Variants in KCNK2 observed in about 807,000 individuals in gnomAD.
The protein encoded by KCNK2 is potassium two pore domain channel subfamily K member 2.
A neutral mutation model predicts 40.5 loss-of-function variants in KCNK2; 21 were observed. The ratio of observed to expected loss-of-function variants is 0.52; its 90% CI spans 0.37 to 0.75. The LOEUF (loss-of-function observed/expected upper bound fraction) is 0.75. Among genes scored for constraint, KCNK2 ranks in the 30% least tolerant of loss-of-function variants. KCNK2 has a pLI of 0.00. For synonymous variants in KCNK2, 191 were observed against 202.2 expected (o/e 0.94, Z 0.47); for missense variants, 399 against 531.6 (o/e 0.75, Z 2.45).
Position 215,178,872 on chromosome 1 carries a change from G to T in KCNK2, c.823+6689G>T, listed in dbSNP as rs149164110. ...GATGCTTGCTTCATAGAATGAGTTA[G>T]GGAGGAGTCCCTCCTCTTCAATTTT... On this transcript the variant is annotated intron_variant, in intron 5 of 6. Coordinates refer to ENST00000444842, the MANE Select transcript of KCNK2 (RefSeq NM_001017425.3). 8.6e-4 allele frequency among the ~76,000 whole-genome samples: 131 copies of T among 152,210 alleles called. 1 individual carries two copies. Among genetic ancestry groups the T allele is most frequent in the African/African-American group, 3.0e-3 (126 of 41,554 alleles).
intron 3 of KCNK2, among the ~76,000 whole-genome samples, chr1:215,125,739 A>AAT (rs66622204): frequency 0.014 from 1,749 of 123,296 alleles, 18 homozygotes; most frequent in South Asian, 0.036. Flanking sequence ...AAGTATAATA[A>AAT]ATATATATAT....
At chr1:215,018,394 T>C (rs1294501537) in intron 1 of KCNK2, among the ~76,000 whole-genome samples, 4 of 152,188 alleles carry the variant, frequency 2.6e-5, no homozygotes, top group Non-Finnish European at 5.9e-5. Context: ...TAGGGTCTTG[T>C]GATTGGTTCC....
At chr1:215,115,225 T>C (rs533559158) in intron 2 of KCNK2, among the ~76,000 whole-genome samples, 1 of 152,194 alleles carries the variant, frequency 6.6e-6, no homozygotes, top group Non-Finnish European at 1.5e-5. Flanking sequence ...TTTATATAGG[T>C]ACAAAACACT....
chr1:215,164,302 T>C (rs888948741), intron 3 of KCNK2, among the ~76,000 whole-genome samples: 1 of 152,210 alleles, frequency 6.6e-6, no homozygotes, highest in African/African-American at 2.4e-5. Flanking sequence ...TATTTGATTC[T>C]TCTCTCTTTT....
chr1:215,070,285 G>A (rs994941943), intron 1 of KCNK2, among the ~76,000 whole-genome samples: 7 of 151,686 alleles, frequency 4.6e-5, no homozygotes, highest in East Asian at 2.0e-4. Flanking sequence ...ATGTGGTGGC[G>A]GGCACCTGTA....
intron 6 of KCNK2, among the ~76,000 whole-genome samples, chr1:215,209,384 T>TATATATTATATATAAA (rs1558139930): frequency 3.6e-4 from 7 of 19,350 alleles, no homozygotes; most frequent in Admixed American, 1.2e-3. Flanking sequence ...ATATATAAAA[T>TATATATTATATATAAA]ATATATATTA....
chr1:215,131,760 T>A (rs1195653956), intron 3 of KCNK2, among the ~76,000 whole-genome samples: 1 of 152,094 alleles, frequency 6.6e-6, no homozygotes, highest in Admixed American at 6.5e-5. Context: ...TAATTTTTCC[T>A]TAGAGCAACA....
Position 215,054,533 on chromosome 1 carries a change from G to A in KCNK2, c.35-31835G>A, listed in dbSNP as rs150053913. 6.3e-3 allele frequency among the ~76,000 whole-genome samples: 952 copies of A among 152,246 alleles called. 2 individuals carry two copies. The highest frequency in any genetic ancestry group is 9.6e-3 in the Non-Finnish European group (654 of 68,004). ...GCATGTTTGAGATTTTCGATTCTCCGGTAGGCTGCACTGCACACCCACCGC... is the reference window on the plus strand; with the variant it reads ...GCATGTTTGAGATTTTCGATTCTCCAGTAGGCTGCACTGCACACCCACCGC... On this transcript the variant is annotated intron_variant, in intron 1 of 6. Coordinates refer to the KCNK2 transcript ENST00000391895.
intron 1 of KCNK2, among the ~76,000 whole-genome samples, chr1:215,058,786 C>A (rs1183743838): frequency 6.6e-6 from 1 of 152,178 alleles, no homozygotes; most frequent in African/African-American, 2.4e-5. Flanking sequence ...GTTTCTTGAA[C>A]TTGCCAAGTG....
chr1:215,051,700 G>A (rs61818268), intron 1 of KCNK2, among the ~76,000 whole-genome samples: 1,543 of 152,278 alleles, frequency 0.01, 26 homozygotes, highest in South Asian at 0.074. Flanking sequence ...TCTGAAATGG[G>A]AATGTAGCAT....
chr1:215,098,112 G>T (rs955631566), intron 2 of KCNK2, among the ~76,000 whole-genome samples: 3 of 151,730 alleles, frequency 2.0e-5, no homozygotes, highest in South Asian at 4.1e-4. Flanking sequence ...CTGTTCCTTG[G>T]CAGTTATAGT....
chr1:215,148,987 A>G (rs1485668929), intron 3 of KCNK2, among the ~76,000 whole-genome samples: 1 of 152,184 alleles, frequency 6.6e-6, no homozygotes, highest in Non-Finnish European at 1.5e-5. Flanking sequence ...GTAGAGAGCA[A>G]TGGTACACCG....
At chr1:215,007,184 G>T (rs3001443) in intron 1 of KCNK2, among the ~76,000 whole-genome samples, 5,078 of 15,366 alleles carry the variant, frequency 0.33, 472 homozygotes, top group African/African-American at 0.5. Context: ...TATGTGTGTG[G>T]GTATATATAT....
intron 2 of KCNK2, among the ~76,000 whole-genome samples, chr1:215,119,762 G>T (rs1033421406): frequency 1.3e-5 from 2 of 152,104 alleles, no homozygotes; most frequent in African/African-American, 4.8e-5. Flanking sequence ...TGATTGTACA[G>T]AAATGTTGCT....
Position 215,007,207 on chromosome 1 carries a change from A to G in KCNK2, c.34+1252A>G, listed in dbSNP as rs199945407. ...TGGGTATATATATATATATATATATATATATATATATATATATATAGGCTC... is the reference window on the plus strand; with the variant it reads ...TGGGTATATATATATATATATATATGTATATATATATATATATATAGGCTC... On this transcript the variant is annotated intron_variant, in intron 1 of 6. Transcript: ENST00000391895. Among the ~76,000 whole-genome samples the G allele has an allele frequency of 2.1e-3, 229 of 111,306 alleles. 4 individuals carry two copies. The highest frequency in any genetic ancestry group is 8.0e-3 in the East Asian group (34 of 4,254). The allele number at this position is 111,306 out of a possible 152,430, so 73.0% of individuals were successfully genotyped here.
chr1:215,007,185 G>GTGTATATATATATATATA (rs1398746959), intron 1 of KCNK2, among the ~76,000 whole-genome samples: 2 of 31,028 alleles, frequency 6.4e-5, no homozygotes, highest in African/African-American at 2.5e-4. Flanking sequence ...ATGTGTGTGG[G>GTGTATATATATATATATA]TATATATATA....
At chr1:215,234,804 C>A (rs1301060969) in intron 6 of KCNK2, 24 bp from the exon 7 acceptor site, 13 of 1,575,266 alleles carry the variant, frequency 8.3e-6, no homozygotes, top group Non-Finnish European at 1.1e-5. Flanking sequence ...ATATCTTTAT[C>A]TTTTCTCTGC....
chr1:215,165,756 C>A (rs764956380), intron 3 of KCNK2, among the ~76,000 whole-genome samples: 5 of 152,002 alleles, frequency 3.3e-5, no homozygotes, highest in Non-Finnish European at 7.4e-5. Flanking sequence ...TACTGCTAAA[C>A]TGTTACTAGG....
intron 3 of KCNK2, among the ~76,000 whole-genome samples, chr1:215,160,464 C>T (rs1663143024): frequency 6.6e-6 from 1 of 152,130 alleles, no homozygotes; most frequent in Non-Finnish European, 1.5e-5. Context: ...AAACAGGCTC[C>T]AGGAGCACAG....
Sources: gnomAD v4.1 joint callset for allele counts (sites outside exome capture counted in the v4.1 genomes callset) on GRCh38, gnomAD v4.1.1 for gene constraint, MANE v1.5 for transcripts, NCBI Gene and HGNC (gene_info 2026-07-23, HGNC 2026-07-21) for gene names.